Variants in RBFOX1 observed in about 807,000 individuals in gnomAD.
RBFOX1 encodes the protein RNA binding fox-1 homolog 1, also known as RNA binding protein fox-1 homolog 1.
Under a neutral mutation model 57.7 loss-of-function variants are expected in RBFOX1, and 8 were observed. That is an observed-to-expected ratio of 0.14 (90% CI 0.08 to 0.25). The LOEUF (loss-of-function observed/expected upper bound fraction) is 0.25. Ranked by LOEUF, RBFOX1 falls within the 10% of genes least tolerant of loss-of-function variation. The pLI is 1.00. For synonymous variants in RBFOX1, 326 were observed against 222.4 expected (o/e 1.47, Z -4.15); for missense variants, 611 against 548.5 (o/e 1.11, Z -1.14).
intron 2 of RBFOX1, among the ~76,000 whole-genome samples, chr16:6,641,804 C>G (rs947608588): frequency 3.4e-5 from 5 of 148,638 alleles, no homozygotes; most frequent in Middle Eastern, 3.4e-3. Context: ...GCCTTTCAGG[C>G]CTGGCCTTGT....
At chr16:6,487,180 G>C (rs62016822) in intron 2 of RBFOX1, among the ~76,000 whole-genome samples, 1 of 146,602 alleles carries the variant, frequency 6.8e-6, no homozygotes, top group South Asian at 2.2e-4. Flanking sequence ...GTGTGTGTGT[G>C]TACCCAAAAG....
intron 2 of RBFOX1, among the ~76,000 whole-genome samples, chr16:6,607,745 C>T (rs567585066): frequency 1.3e-5 from 2 of 152,274 alleles, no homozygotes; most frequent in East Asian, 3.9e-4. Flanking sequence ...TTTCCCCCTG[C>T]TGTATATGGT....
intron 3 of RBFOX1, among the ~76,000 whole-genome samples, chr16:6,767,092 A>G (rs907867203): frequency 2.6e-5 from 4 of 152,092 alleles, no homozygotes; most frequent in East Asian, 1.9e-4. Flanking sequence ...CTGTGGTCCT[A>G]TAATTGCATT....
At chr16:5,835,345 G>A (rs2056424924) in intron 3 of RBFOX1, among the ~76,000 whole-genome samples, 2 of 152,314 alleles carry the variant, frequency 1.3e-5, no homozygotes, top group South Asian at 4.1e-4. Flanking sequence ...GCACAGCATT[G>A]CAGAGCCTGA....
intron 3 of RBFOX1, among the ~76,000 whole-genome samples, chr16:5,699,926 C>T (rs934630570): frequency 4.6e-5 from 7 of 152,204 alleles, no homozygotes; most frequent in Admixed American, 6.5e-5. Context: ...TTCTGCCTCC[C>T]GGGTTCACGC....
At chr16:6,400,894 T>C (rs2093042698) in intron 2 of RBFOX1, among the ~76,000 whole-genome samples, 1 of 152,116 alleles carries the variant, frequency 6.6e-6, no homozygotes, top group South Asian at 2.1e-4. Context: ...GTCTCAAACA[T>C]ACACACAAAA....
intron 1 of RBFOX1, among the ~76,000 whole-genome samples, chr16:5,318,812 T>TGACCTAATTGCGTGAGCCC (rs1427950533): frequency 2.6e-5 from 4 of 152,160 alleles, no homozygotes; most frequent in African/African-American, 4.8e-5. Flanking sequence ...CAGGTGGGCC[T>TGACCTAATTGCGTGAGCCC]GACCTAATTG....
intron 1 of RBFOX1, among the ~76,000 whole-genome samples, chr16:6,302,094 G>A (rs1347760827): frequency 1.3e-5 from 2 of 152,024 alleles, no homozygotes; most frequent in Non-Finnish European, 2.9e-5. Context: ...CTTCCTACAT[G>A]TCCTGTGGCT....
chr16:6,746,987 C>T (rs1016717585), intron 3 of RBFOX1, among the ~76,000 whole-genome samples: 10 of 152,150 alleles, frequency 6.6e-5, no homozygotes, highest in Admixed American at 2.6e-4. Context: ...AGCTATACTA[C>T]TGTGCAGATA....
At chr16:7,413,186 G>C (rs975124467) in intron 4 of RBFOX1, among the ~76,000 whole-genome samples, 4 of 152,126 alleles carry the variant, frequency 2.6e-5, no homozygotes, top group African/African-American at 9.7e-5. Context: ...CATAACACCA[G>C]CTTTTCCCAG....
At chr16:6,018,197 A>G (rs76636372), upstream of RBFOX1, among the ~76,000 whole-genome samples, 6 of 145,490 alleles carry the variant, frequency 4.1e-5, no homozygotes, top group South Asian at 2.3e-4. Context: ...AGGAAGGAAG[A>G]AAGGGAGGGA....
chr16:6,679,571 T>C (rs1223112523), intron 3 of RBFOX1, among the ~76,000 whole-genome samples: 1 of 152,102 alleles, frequency 6.6e-6, no homozygotes, highest in Non-Finnish European at 1.5e-5. Flanking sequence ...TTCTAGGAGG[T>C]AGCCTCATTA....
intron 1 of RBFOX1, among the ~76,000 whole-genome samples, chr16:6,104,255 C>G (rs942168205): frequency 6.6e-6 from 1 of 152,002 alleles, no homozygotes; most frequent in Non-Finnish European, 1.5e-5. Flanking sequence ...ATTAATGGTT[C>G]CATTTAAAAT....
At chr16:5,553,866 A>G (rs1015718997) in intron 2 of RBFOX1, among the ~76,000 whole-genome samples, 5 of 151,872 alleles carry the variant, frequency 3.3e-5, no homozygotes, top group Non-Finnish European at 5.9e-5. Context: ...TTTAATTATT[A>G]TTGCATATGT....
chr16:7,563,479 C>G (rs902158491), intron 5 of RBFOX1, among the ~76,000 whole-genome samples: 1 of 151,818 alleles, frequency 6.6e-6, no homozygotes, highest in African/African-American at 2.4e-5. Context: ...TTTTTCTTTT[C>G]TTGCTTCAAA....
intron 4 of RBFOX1, among the ~76,000 whole-genome samples, chr16:7,481,118 T>A (rs983420399): frequency 5.9e-5 from 9 of 152,270 alleles, no homozygotes; most frequent in African/African-American, 2.2e-4. Flanking sequence ...TCTGAGCCTA[T>A]TTTTTTCATT....
intron 4 of RBFOX1, among the ~76,000 whole-genome samples, chr16:7,274,507 G>C (rs1448800602): frequency 6.6e-6 from 1 of 152,058 alleles, no homozygotes; most frequent in African/African-American, 2.4e-5. Flanking sequence ...TATGTTGAAT[G>C]CCTGAGAGTT....
intron 4 of RBFOX1, among the ~76,000 whole-genome samples, chr16:7,495,870 CT>C (rs1281026789): frequency 1.4e-5 from 2 of 147,888 alleles, no homozygotes; most frequent in Admixed American, 6.9e-5. Context: ...AAATAAATTA[CT>C]TTTTTTCTTC....
chr16:7,320,218 T>G (rs114021287), intron 4 of RBFOX1, among the ~76,000 whole-genome samples: 6,212 of 152,204 alleles, frequency 0.041, 430 homozygotes, highest in African/African-American at 0.14. Flanking sequence ...TTTATCCTGA[T>G]GCTCTCCCTT....
Sources: gnomAD v4.1 joint callset for allele counts (sites outside exome capture counted in the v4.1 genomes callset) on GRCh38, gnomAD v4.1.1 for gene constraint, MANE v1.5 for transcripts, NCBI Gene and HGNC (gene_info 2026-07-23, HGNC 2026-07-21) for gene names.